TLE4: variants seen among roughly 807,000 people sequenced by gnomAD.
TLE4 encodes the protein TLE family member 4, transcriptional corepressor, also known as transducin-like enhancer protein 4.
In TLE4, 8 loss-of-function variants were observed where a neutral mutation model predicts 92.8. The ratio of observed to expected loss-of-function variants is 0.09; its 90% CI spans 0.05 to 0.16. TLE4 has a LOEUF of 0.16. Ranked by LOEUF, TLE4 falls within the 10% of genes least tolerant of loss-of-function variation. The pLI is 1.00. For synonymous variants in TLE4, 371 were observed against 374.1 expected, an observed-to-expected ratio of 0.99 and a Z score of 0.10; for missense variants, 675 against 997.6, an observed-to-expected ratio of 0.68 and a Z score of 4.36.
rs543117502 is a variant in TLE4, at chr9:79,577,870, G to T, written c.252+1693G>T. 3.3e-5 allele frequency among the ~76,000 whole-genome samples: 5 copies of T among 152,202 alleles called. No individual in the cohort carries two copies. In the East Asian group the frequency reaches 7.7e-4, roughly 24 times the overall value. On this transcript the variant is annotated intron_variant, in intron 4 of 19. Coordinates refer to ENST00000376552, the MANE Select transcript of TLE4 (RefSeq NM_007005.6). The stretch of plus-strand genomic sequence containing the variant: ...CTGTATGTATTTCTTTTTCGAGGGG[G>T]TATGTGAAATCCCTTAATTTTACAC...
chr9:79,582,737 G>A (rs143017307), intron 4 of TLE4, among the ~76,000 whole-genome samples: 2 of 150,166 alleles, frequency 1.3e-5, no homozygotes, highest in South Asian at 2.2e-4. Context: ...AAGAGGGACA[G>A]GGATGTGAGT....
chr9:79,601,280 A>T, intron 4 of TLE4: 1 of 419,836 alleles, frequency 2.4e-6, no homozygotes, highest in Non-Finnish European at 4.8e-6. Context: ...AAGATGTGTG[A>T]TGGGAAACTA....
At chr9:79,601,866 T>A (rs2045748713) in intron 4 of TLE4, among the ~76,000 whole-genome samples, 1 of 152,184 alleles carries the variant, frequency 6.6e-6, no homozygotes. Context: ...CGAAAGCCAA[T>A]GAGCCAAAAG....
Position 79,721,380 on chromosome 9 carries a change from C to T in TLE4, c.1839-361C>T, listed in dbSNP as rs2075613260. Among the ~76,000 whole-genome samples, 9 of 152,306 alleles carry T rather than the reference C, an allele frequency of 5.9e-5. No homozygotes were observed. In the South Asian group the frequency reaches 1.9e-3, roughly 32 times the overall value. On this transcript the variant is annotated intron_variant, in intron 16 of 19. Transcript: ENST00000376552. ...TTAAAGGGAAAATTAAATTCTCTCT[C>T]CCTCATACCACAGTAATAGAATAGG...
At chr9:79,705,542 C>T (rs2071298503) in intron 9 of TLE4, among the ~76,000 whole-genome samples, 1 of 152,206 alleles carries the variant, frequency 6.6e-6, no homozygotes, top group African/African-American at 2.4e-5. Flanking sequence ...ACCAACAAAC[C>T]AGACCACACC....
At chr9:79,700,841 T>TA (rs1565025090) in intron 8 of TLE4, among the ~76,000 whole-genome samples, 1 of 151,944 alleles carries the variant, frequency 6.6e-6, no homozygotes, top group Non-Finnish European at 1.5e-5. Context: ...TTTGCTGAGA[T>TA]ACACACACAC....
chr9:79,657,387 C>T (rs1184892453), intron 8 of TLE4, among the ~76,000 whole-genome samples: 4 of 152,122 alleles, frequency 2.6e-5, no homozygotes, highest in Admixed American at 6.5e-5. Flanking sequence ...TTCTCTCATC[C>T]CTAGAAAAGT....
chr9:79,586,255 C>T (rs900052254), intron 4 of TLE4, among the ~76,000 whole-genome samples: 16 of 151,504 alleles, frequency 1.1e-4, no homozygotes, highest in Admixed American at 9.2e-4. Context: ...CCCAGCTACT[C>T]GGGGGGCTGA....
At chr9:79,626,163 T>TA (rs770802809) in intron 5 of TLE4, among the ~76,000 whole-genome samples, 27 of 152,272 alleles carry the variant, frequency 1.8e-4, no homozygotes, top group Non-Finnish European at 2.9e-4. Context: ...CCACTCCCCT[T>TA]ACACAGCTCA....
intron 8 of TLE4, among the ~76,000 whole-genome samples, chr9:79,683,425 G>C (rs934235277): frequency 3.9e-5 from 6 of 152,182 alleles, no homozygotes; most frequent in South Asian, 4.1e-4. Context: ...ATATTCAGGT[G>C]TGGAGAGAAC....
chr9:79,602,569 G>A (rs918387660), intron 4 of TLE4, among the ~76,000 whole-genome samples: 1 of 152,140 alleles, frequency 6.6e-6, no homozygotes, highest in African/African-American at 2.4e-5. Context: ...TTTATAGCAT[G>A]GTTTACTGAA....
At chr9:79,718,690 C>T (rs374211706) in intron 14 of TLE4, 32 bp from the exon 15 acceptor site, 119 of 1,583,842 alleles carry the variant, frequency 7.5e-5, no homozygotes, top group Non-Finnish European at 9.7e-5. Context: ...TTTTACATTC[C>T]CCTCTTTCTT....
At chr9:79,696,648 T>C (rs2068333971) in intron 8 of TLE4, among the ~76,000 whole-genome samples, 1 of 151,764 alleles carries the variant, frequency 6.6e-6, no homozygotes, top group Non-Finnish European at 1.5e-5. Flanking sequence ...TAAAGCAGTT[T>C]ACTGGAAAAA....
chr9:79,720,637 C>T (rs2075472672), intron 16 of TLE4, among the ~76,000 whole-genome samples: 1 of 151,930 alleles, frequency 6.6e-6, no homozygotes, highest in South Asian at 2.1e-4. Flanking sequence ...ATAAAGTTTC[C>T]ATGACCCCAT....
chr9:79,715,257 T>C (rs2074259866), intron 14 of TLE4, among the ~76,000 whole-genome samples: 1 of 152,220 alleles, frequency 6.6e-6, no homozygotes, highest in Non-Finnish European at 1.5e-5. Context: ...AAATTATCAT[T>C]AAGAATGTAT....
chr9:79,621,615 T>G (rs1417140665), intron 5 of TLE4, among the ~76,000 whole-genome samples: 1 of 152,118 alleles, frequency 6.6e-6, no homozygotes, highest in African/African-American at 2.4e-5. Context: ...AGGAGATTGA[T>G]TCATTGGATA....
chr9:79,651,031 ATCTCTCTCTCTC>A (rs10580766), intron 6 of TLE4, among the ~76,000 whole-genome samples: 323 of 138,410 alleles, frequency 2.3e-3, no homozygotes, highest in Middle Eastern at 3.8e-3. Flanking sequence ...GGAATGATCG[ATCTCTCTCTCTC>A]TCTCTCTCTC....
intron 8 of TLE4, among the ~76,000 whole-genome samples, chr9:79,699,877 G>T (rs1038259355): frequency 1.3e-5 from 2 of 152,168 alleles, no homozygotes; most frequent in Admixed American, 6.5e-5. Flanking sequence ...AAGGAGAAAA[G>T]TTTTGGTGAA....
chr9:79,674,083 T>G (rs1376738613), intron 8 of TLE4, among the ~76,000 whole-genome samples: 1 of 152,096 alleles, frequency 6.6e-6, no homozygotes, highest in Non-Finnish European at 1.5e-5. Context: ...AGTTGAGAAG[T>G]GGTTTATTGC....
Sources: gnomAD v4.1 joint callset for allele counts (sites outside exome capture counted in the v4.1 genomes callset) on GRCh38, gnomAD v4.1.1 for gene constraint, MANE v1.5 for transcripts, NCBI Gene and HGNC (gene_info 2026-07-23, HGNC 2026-07-21) for gene names.